PGBD2: variants seen among roughly 807,000 people sequenced by gnomAD.
PGBD2 encodes piggyBac transposable element-derived protein 2.
PGBD2 carries 6 observed loss-of-function variants against 8.1 expected under a neutral mutation model. The ratio of observed to expected loss-of-function variants is 0.74; its 90% CI spans 0.40 to 1.46. PGBD2 has a LOEUF of 1.46. Among genes scored for constraint, PGBD2 ranks in the 40% most tolerant of loss-of-function variants. PGBD2 has a pLI of 0.02. For missense variants in PGBD2, 802 were observed against 739.0 expected, an observed-to-expected ratio of 1.09 and a Z score of -0.99; for synonymous variants, 318 against 272.2, an observed-to-expected ratio of 1.17 and a Z score of -1.66.
chr1:248,908,023 C>T (rs189808517), intron 1 of PGBD2, among the ~76,000 whole-genome samples: 1 of 152,232 alleles, frequency 6.6e-6, no homozygotes, highest in East Asian at 1.9e-4. Flanking sequence ...CAAAAATTCC[C>T]ATGTACGGTT....
chr1:248,880,539 C>A, the PGBD2 span, among the ~76,000 whole-genome samples: 6 of 152,122 alleles, frequency 3.9e-5, no homozygotes, highest in Non-Finnish European at 7.4e-5. Flanking sequence ...AACTTTCAAC[C>A]CAAGTTGTGA....
At chr1:248,888,549 A>G in the PGBD2 span, among the ~76,000 whole-genome samples, 1 of 152,078 alleles carries the variant, frequency 6.6e-6, no homozygotes, top group African/African-American at 2.4e-5. Flanking sequence ...TCTTTTGAAA[A>G]TTGTCTATTC....
At chr1:248,906,044 G>A (rs1262983794), upstream of PGBD2, among the ~76,000 whole-genome samples, 2 of 152,068 alleles carry the variant, frequency 1.3e-5, no homozygotes, top group Admixed American at 1.3e-4. Context: ...GGGAGGGTAA[G>A]GGAGAGTGGC....
At chr1:248,873,963 T>C in the PGBD2 span, among the ~76,000 whole-genome samples, 20 of 152,242 alleles carry the variant, frequency 1.3e-4, no homozygotes, top group Admixed American at 2.0e-4. Flanking sequence ...TTCTGACACA[T>C]TCGTTTTATT....
chr1:248,917,457 A>C lies in PGBD2; in HGVS notation c.873A>C (p.Arg291=), dbSNP rs1195330321. Residue 291 remains arginine, a synonymous_variant, in exon 3 of 3, where the codon CGA becomes CGC. Transcript: ENST00000329291. The part of the protein sequence containing the change: ...SKQLHRGKPV[R]LGYKIWCGTT... ...AGCTGCACAGGGGGAAGCCTGTGCG[A>C]CTTGGCTACAAGATTTGGTGTGGGA... 17 of 1,614,110 alleles carry C rather than the reference A, an allele frequency of 1.1e-5. No homozygotes were observed. The highest frequency in any genetic ancestry group is 1.4e-5 in the Non-Finnish European group (16 of 1,180,008).
At chr1:248,916,271 GGGCATGGT>G (rs1312542902) in intron 2 of PGBD2, among the ~76,000 whole-genome samples, 65 of 151,986 alleles carry the variant, frequency 4.3e-4, no homozygotes, top group African/African-American at 1.5e-3. Flanking sequence ...AAAATTAGCC[GGGCATGGT>G]GGCACGCACC....
chr1:248,880,099 C>T, the PGBD2 span, among the ~76,000 whole-genome samples: 32 of 152,260 alleles, frequency 2.1e-4, no homozygotes, highest in East Asian at 9.6e-4. Context: ...AGACATTAAA[C>T]GAGACCAGGA....
At chr1:248,912,083 T>C (rs1281913120) in intron 1 of PGBD2, among the ~76,000 whole-genome samples, 1 of 152,192 alleles carries the variant, frequency 6.6e-6, no homozygotes, top group African/African-American at 2.4e-5. Flanking sequence ...TTTGAAAATA[T>C]TGGCATGGGG....
the PGBD2 span, among the ~76,000 whole-genome samples, chr1:248,885,498 C>G: frequency 1.2e-4 from 18 of 152,052 alleles, no homozygotes; most frequent in African/African-American, 3.6e-4. Flanking sequence ...TAATATAGTA[C>G]CCAACAGAGC....
At chr1:248,921,878 T>C (rs1662293197), downstream of PGBD2, among the ~76,000 whole-genome samples, 1 of 152,136 alleles carries the variant, frequency 6.6e-6, no homozygotes, top group African/African-American at 2.4e-5. Context: ...TTCCCAGGTA[T>C]TTTATTCTGT....
the PGBD2 span, among the ~76,000 whole-genome samples, chr1:248,898,756 A>C: frequency 6.6e-6 from 1 of 152,188 alleles, no homozygotes; most frequent in Non-Finnish European, 1.5e-5. Flanking sequence ...TCACAAAGAA[A>C]AACATTAACC....
the PGBD2 span, among the ~76,000 whole-genome samples, chr1:248,879,897 A>T: frequency 1.3e-5 from 2 of 152,098 alleles, no homozygotes; most frequent in African/African-American, 4.8e-5. Context: ...ACATATATAT[A>T]TTCTTTTGAT....
chr1:248,910,328 G>C, intron 1 of PGBD2, among the ~76,000 whole-genome samples: 1 of 152,178 alleles, frequency 6.6e-6, no homozygotes, highest in East Asian at 1.9e-4. Context: ...ACCATATTTG[G>C]CTTTTGGAAT....
downstream of PGBD2, among the ~76,000 whole-genome samples, chr1:248,923,372 T>C (rs1662325325): frequency 1.3e-5 from 2 of 152,210 alleles, no homozygotes; most frequent in South Asian, 4.1e-4. Flanking sequence ...GTCTGGCTAT[T>C]GGTCTATTTT....
At chr1:248,895,371 G>A in the PGBD2 span, among the ~76,000 whole-genome samples, 1 of 152,126 alleles carries the variant, frequency 6.6e-6, no homozygotes, top group African/African-American at 2.4e-5. Flanking sequence ...CAAAGAGGAG[G>A]AAGGACAAAG....
chr1:248,928,905 A>G, the PGBD2 span, among the ~76,000 whole-genome samples: 1 of 152,356 alleles, frequency 6.6e-6, no homozygotes, highest in South Asian at 2.1e-4. Flanking sequence ...AGCCAGACGC[A>G]TTCCTGAAGG....
Position 248,917,175 on chromosome 1 carries a change from A to G in PGBD2, c.591A>G (p.Arg197=), listed in dbSNP as rs775203214. ...ILSGYISYPR[R]RMFWETSPDS... ...GTGGGTACATCTCTTATCCAAGGAG[A>G]AGGATGTTCTGGGAAACCTCTCCCG... is the stretch of plus-strand genomic sequence containing the variant. Residue 197 remains arginine (R), a synonymous_variant, in exon 3 of 3, where the codon AGA becomes AGG. Transcript: ENST00000329291. 2 of 1,614,038 alleles carry G rather than the reference A, an allele frequency of 1.2e-6. No homozygotes were observed. Among genetic ancestry groups the G allele is most frequent in the South Asian group, 2.2e-5 (2 of 91,082 alleles).
chr1:248,911,864 T>A (rs1661903639), intron 1 of PGBD2, among the ~76,000 whole-genome samples: 1 of 151,632 alleles, frequency 6.6e-6, no homozygotes, highest in Non-Finnish European at 1.5e-5. Flanking sequence ...CTGTTCTGGG[T>A]GCAGCAGGGA....
the PGBD2 span, among the ~76,000 whole-genome samples, chr1:248,889,243 G>C: frequency 2.0e-5 from 3 of 152,102 alleles, no homozygotes; most frequent in Non-Finnish European, 4.4e-5. Context: ...AAATTAGCTG[G>C]ATGTGGTGGT....
Sources: allele counts gnomAD v4.1 joint callset (sites outside exome capture counted in the v4.1 genomes callset), GRCh38; gene constraint gnomAD v4.1.1; transcripts MANE v1.5; gene names NCBI Gene and HGNC (gene_info 2026-07-23, HGNC 2026-07-21).